Variants in ATE1 observed in about 807,000 individuals in gnomAD.
ATE1 encodes arginyl-tRNA--protein transferase 1.
In ATE1, 36 loss-of-function variants were observed where a neutral mutation model predicts 70.5. The ratio of observed to expected loss-of-function variants is 0.51; its 90% confidence interval spans 0.39 to 0.67. ATE1 has a LOEUF of 0.67. Ranked by LOEUF, ATE1 falls within the 30% of genes least tolerant of loss-of-function variation. The probability of loss-of-function intolerance (pLI) is 0.00; values close to 1 mark genes in which losing one functional copy is unlikely to be tolerated. For missense variants in ATE1, 593 were observed against 629.5 expected (o/e 0.94, Z 0.62); for synonymous variants, 232 against 219.3 (o/e 1.06, Z -0.51).
At chr10:121,897,996 CCT>C (rs1347817666) in intron 7 of ATE1, among the ~76,000 whole-genome samples, 2 of 151,938 alleles carry the variant, frequency 1.3e-5, no homozygotes, top group African/African-American at 2.4e-5. Context: ...TTGTATTAAC[CCT>C]CTCTTTTTAG....
chr10:121,782,235 G>A (rs1412154521), intron 11 of ATE1, among the ~76,000 whole-genome samples: 3 of 152,166 alleles, frequency 2.0e-5, no homozygotes, highest in South Asian at 2.1e-4. Context: ...CCAAAATACA[G>A]CATCAAGTAT....
chr10:121,760,902 G>C (rs1008744679), intron 11 of ATE1, among the ~76,000 whole-genome samples: 2 of 152,144 alleles, frequency 1.3e-5, no homozygotes, highest in African/African-American at 4.8e-5. Flanking sequence ...TCATATGTTT[G>C]TCCTCCCAAA....
At chr10:121,878,794 A>G (rs544702448) in intron 7 of ATE1, among the ~76,000 whole-genome samples, 1 of 152,162 alleles carries the variant, frequency 6.6e-6, no homozygotes, top group Non-Finnish European at 1.5e-5. Flanking sequence ...GCAATTATCT[A>G]GTTCACCTCT....
At chr10:121,856,973 A>C (rs747066437) in intron 8 of ATE1, among the ~76,000 whole-genome samples, 4 of 152,236 alleles carry the variant, frequency 2.6e-5, no homozygotes, top group Non-Finnish European at 4.4e-5. Context: ...ATTTTGAAAA[A>C]TCTAAGTTTG....
At chr10:121,789,094 A>G (rs1564838922) in intron 11 of ATE1, among the ~76,000 whole-genome samples, 1 of 152,194 alleles carries the variant, frequency 6.6e-6, no homozygotes, top group Non-Finnish European at 1.5e-5. Context: ...AGTGACCACC[A>G]AAAAACAGTA....
chr10:121,893,927 C>G (rs910168381), intron 7 of ATE1, among the ~76,000 whole-genome samples: 30 of 152,108 alleles, frequency 2.0e-4, no homozygotes, highest in Admixed American at 2.0e-3. Context: ...CACCTGAGGT[C>G]AGGAGTTCGA....
At chr10:121,802,266 T>C (rs181274717) in intron 10 of ATE1, among the ~76,000 whole-genome samples, 16 of 151,914 alleles carry the variant, frequency 1.1e-4, no homozygotes, top group Non-Finnish European at 1.5e-5. Context: ...ACTCACAGGC[T>C]ATCTTCTGCC....
chr10:121,889,317 TAAC>T (rs1564930752), intron 7 of ATE1, among the ~76,000 whole-genome samples: 3 of 152,050 alleles, frequency 2.0e-5, no homozygotes, highest in African/African-American at 7.2e-5. Context: ...GATTACTAGA[TAAC>T]AACAAAAACC....
chr10:121,804,934 T>G (rs1239815478), intron 10 of ATE1, among the ~76,000 whole-genome samples: 1 of 152,120 alleles, frequency 6.6e-6, no homozygotes, highest in Non-Finnish European at 1.5e-5. Context: ...GACTATTTAT[T>G]AAGGGAGTTT....
chr10:121,927,617 C>G (rs946068738), intron 1 of ATE1: 3 of 948,500 alleles, frequency 3.2e-6, no homozygotes, highest in Non-Finnish European at 3.8e-6. Context: ...CTGGGGAGAC[C>G]ACCACGATTT....
At position 121,835,098 on chromosome 10, in the gene ATE1, C is replaced by T. The variant is rs75522710; in HGVS notation, c.1257+1620G>A. Among the ~76,000 whole-genome samples the T allele has an allele frequency of 3.5e-3, 529 of 152,204 alleles. 3 individuals carry two copies. Among genetic ancestry groups the T allele is most frequent in the African/African-American group, 0.012 (501 of 41,526 alleles). On this transcript the variant is annotated intron_variant, in intron 10 of 11. Transcript: ENST00000224652. ...TATTTTTAGGCAAAACGGAAATATGCTCATACTTTTCCTTCTGTACAGAAC... is the reference window on the plus strand; with the variant it reads ...TATTTTTAGGCAAAACGGAAATATGTTCATACTTTTCCTTCTGTACAGAAC...
At chr10:121,890,863 T>C (rs1444233394) in intron 7 of ATE1, among the ~76,000 whole-genome samples, 1 of 152,194 alleles carries the variant, frequency 6.6e-6, no homozygotes, top group East Asian at 1.9e-4. Context: ...ATCACATTAC[T>C]TTCTGAAAAT....
chr10:121,807,050 G>A (rs980972790), intron 10 of ATE1, among the ~76,000 whole-genome samples: 1 of 152,182 alleles, frequency 6.6e-6, no homozygotes, highest in Non-Finnish European at 1.5e-5. Flanking sequence ...CCTGAAGACA[G>A]GGCCTATGTC....
intron 10 of ATE1, among the ~76,000 whole-genome samples, chr10:121,808,458 T>C (rs1436612075): frequency 1.3e-5 from 2 of 152,070 alleles, no homozygotes; most frequent in Non-Finnish European, 2.9e-5. Context: ...ACTGGAAGAG[T>C]GAGGCAAATT....
intron 11 of ATE1, among the ~76,000 whole-genome samples, chr10:121,765,347 T>C (rs963506792): frequency 2.6e-5 from 4 of 151,748 alleles, no homozygotes; most frequent in Non-Finnish European, 4.4e-5. Flanking sequence ...TCAAAGAAAA[T>C]ACGTAAGAAA....
At chr10:121,923,711 C>G (rs775036792) in intron 2 of ATE1, among the ~76,000 whole-genome samples, 7 of 152,142 alleles carry the variant, frequency 4.6e-5, no homozygotes, top group Non-Finnish European at 8.8e-5. Context: ...AAAATAACTA[C>G]TCAAAACAGG....
chr10:121,824,066 G>T (rs943311186), intron 10 of ATE1, among the ~76,000 whole-genome samples: 4 of 152,096 alleles, frequency 2.6e-5, no homozygotes, highest in Admixed American at 6.5e-5. Context: ...ATGTGACAGT[G>T]TTCTAAATAA....
At chr10:121,888,712 C>A (rs534666947) in intron 7 of ATE1, among the ~76,000 whole-genome samples, 2 of 152,244 alleles carry the variant, frequency 1.3e-5, no homozygotes, top group South Asian at 4.2e-4. Flanking sequence ...TTCACGGTAG[C>A]CTCATACCAG....
At chr10:121,874,825 G>A (rs1266047437) in intron 7 of ATE1, among the ~76,000 whole-genome samples, 1 of 151,810 alleles carries the variant, frequency 6.6e-6, no homozygotes, top group Non-Finnish European at 1.5e-5. Context: ...CTAACACGGT[G>A]AAACCCCGTC....
Sources: gnomAD v4.1 joint callset for allele counts (sites outside exome capture counted in the v4.1 genomes callset) on GRCh38, gnomAD v4.1.1 for gene constraint, MANE v1.5 for transcripts, NCBI Gene and HGNC (gene_info 2026-07-23, HGNC 2026-07-21) for gene names.